The following LRP1B variants were observed in gnomAD, a reference collection of about 807,000 sequenced individuals.
LRP1B encodes LDL receptor related protein 1B, also known as low-density lipoprotein receptor-related protein 1B.
In LRP1B, 217 loss-of-function variants were observed where a neutral mutation model predicts 556.6. The ratio of observed to expected loss-of-function variants is 0.39; its 90% CI spans 0.35 to 0.44. The LOEUF (loss-of-function observed/expected upper bound fraction) is 0.44. Among genes scored for constraint, LRP1B ranks in the 20% least tolerant of loss-of-function variants. The probability of loss-of-function intolerance (pLI) is 1.00; values close to 1 mark genes in which losing one functional copy is unlikely to be tolerated. For missense variants in LRP1B, 5,053 were observed against 5,620.8 expected (o/e 0.90, Z 3.23); for synonymous variants, 2,047 against 1,865.8 (o/e 1.10, Z -2.50).
chr2:140,843,435 A>G (rs2105104035), intron 29 of LRP1B, among the ~76,000 whole-genome samples: 1 of 152,224 alleles, frequency 6.6e-6, no homozygotes, highest in African/African-American at 2.4e-5. Flanking sequence ...AACAGCTTCT[A>G]GCCACCCAGA....
intron 31 of LRP1B, among the ~76,000 whole-genome samples, chr2:140,817,027 T>C (rs924689075): frequency 6.6e-6 from 1 of 152,142 alleles, no homozygotes; most frequent in African/African-American, 2.4e-5. Context: ...CAATTAAAAC[T>C]ACTCAGTGAT....
intron 18 of LRP1B, among the ~76,000 whole-genome samples, chr2:140,954,006 C>T (rs555118299): frequency 6.6e-6 from 1 of 152,270 alleles, no homozygotes; most frequent in Admixed American, 6.5e-5. Context: ...AAGGTTTAAA[C>T]ATTTCTCATA....
chr2:140,950,438 G>A lies in LRP1B; in HGVS notation c.2969-36C>T, dbSNP rs1695679770. 4 of 1,518,832 alleles carry A rather than the reference G, an allele frequency of 2.6e-6. No homozygotes were observed. The Admixed American group carries it at 6.6e-5, about 25-fold the overall frequency. The allele number at this position is 1,518,832 out of a possible 1,614,324, so 94.1% of individuals were successfully genotyped here. On this transcript the variant is annotated intron_variant, in intron 19 of 90. Transcript: ENST00000389484. ...ACATCAACATGAGGCAGTGAAATCT[G>A]AACCATGAAGAAATTTTTTCTTATG... is the stretch of plus-strand genomic sequence containing the variant.
At chr2:141,642,546 A>C (rs1365284756) in intron 2 of LRP1B, among the ~76,000 whole-genome samples, 2 of 152,154 alleles carry the variant, frequency 1.3e-5, no homozygotes, top group Non-Finnish European at 2.9e-5. Flanking sequence ...TACAGAAAGA[A>C]TATATAGACC....
At chr2:141,769,754 T>G (rs1182298657) in intron 2 of LRP1B, among the ~76,000 whole-genome samples, 1 of 152,198 alleles carries the variant, frequency 6.6e-6, no homozygotes, top group Non-Finnish European at 1.5e-5. Flanking sequence ...CCATTGGAAC[T>G]GCATTTTGAA....
At chr2:141,940,451 G>A (rs1316037278) in intron 1 of LRP1B, among the ~76,000 whole-genome samples, 1 of 152,140 alleles carries the variant, frequency 6.6e-6, no homozygotes, top group Non-Finnish European at 1.5e-5. Flanking sequence ...AACTATTCAT[G>A]TAATTCACAA....
chr2:140,514,425 T>G (rs1193007882), intron 51 of LRP1B, among the ~76,000 whole-genome samples: 1 of 152,050 alleles, frequency 6.6e-6, no homozygotes, highest in Middle Eastern at 3.4e-3. Context: ...TACAAATACA[T>G]TTGTTGTGGC....
At chr2:141,942,516 CA>C (rs1700840616) in intron 1 of LRP1B, among the ~76,000 whole-genome samples, 1 of 151,704 alleles carries the variant, frequency 6.6e-6, no homozygotes, top group African/African-American at 2.4e-5. Flanking sequence ...AAAAAAAAAA[CA>C]AAAAACAAAC....
At chr2:141,814,329 A>G (rs1372995735) in intron 1 of LRP1B, among the ~76,000 whole-genome samples, 1 of 152,094 alleles carries the variant, frequency 6.6e-6, no homozygotes, top group African/African-American at 2.4e-5. Context: ...GGTTTGAAGG[A>G]GTTCTACCGA....
chr2:140,918,189 TG>T (rs1694634693), intron 21 of LRP1B, among the ~76,000 whole-genome samples: 3 of 10,498 alleles, frequency 2.9e-4, no homozygotes, highest in Admixed American at 2.0e-3. Context: ...TTCTATTTTG[TG>T]TGTGTGTGTG....
In LRP1B at chr2:141,013,761, A is replaced by C; in HGVS notation, c.2191-16T>G. The C allele has an allele frequency of 1.4e-6, 2 of 1,479,538 alleles. No homozygotes were observed. The highest frequency in any genetic ancestry group is 1.8e-6 in the Non-Finnish European group (2 of 1,109,254). The allele number at this position is 1,479,538 out of a possible 1,614,324, so 91.7% of individuals were successfully genotyped here. On this transcript the variant is annotated splice_polypyrimidine_tract_variant and intron_variant, in intron 13 of 90. Coordinates refer to ENST00000389484, the MANE Select transcript of LRP1B (RefSeq NM_018557.3). ...TGTAAACAATCTGTAAAATATAAAC[A>C]CATTGTGAAAAATCAGAACTGACCT...
chr2:141,495,774 C>T (rs1157857474), intron 2 of LRP1B, among the ~76,000 whole-genome samples: 1 of 151,982 alleles, frequency 6.6e-6, no homozygotes, highest in Non-Finnish European at 1.5e-5. Context: ...AAATAATGCT[C>T]TCCTATAAGC....
intron 1 of LRP1B, among the ~76,000 whole-genome samples, chr2:141,925,054 C>T (rs1249619896): frequency 6.6e-6 from 1 of 152,040 alleles, no homozygotes; most frequent in Non-Finnish European, 1.5e-5. Flanking sequence ...GACAAGAAGG[C>T]TTTTTCAACA....
intron 7 of LRP1B, among the ~76,000 whole-genome samples, chr2:141,099,046 A>T (rs2104933708): frequency 6.6e-6 from 1 of 152,346 alleles, no homozygotes; most frequent in Middle Eastern, 3.4e-3. Context: ...TGCAGGTAAA[A>T]GCATAAGTCT....
At chr2:141,020,234 G>A (rs376821562) in intron 11 of LRP1B, 132 bp from the exon 12 acceptor site, 7 of 525,224 alleles carry the variant, frequency 1.3e-5, no homozygotes, top group Non-Finnish European at 1.2e-5. Flanking sequence ...AATCTTTATG[G>A]TGTAATTTTT....
At chr2:141,571,706 C>G (rs1418209682) in intron 2 of LRP1B, among the ~76,000 whole-genome samples, 1 of 151,836 alleles carries the variant, frequency 6.6e-6, no homozygotes, top group Non-Finnish European at 1.5e-5. Flanking sequence ...GGAATTGCCA[C>G]TAGAACAACC....
intron 3 of LRP1B, among the ~76,000 whole-genome samples, chr2:141,376,780 T>C (rs1192091467): frequency 2.0e-5 from 3 of 152,202 alleles, no homozygotes; most frequent in Non-Finnish European, 4.4e-5. Context: ...ATAGTCATGT[T>C]AGTAATATTA....
chr2:140,530,569 A>G (rs144301260), intron 47 of LRP1B, among the ~76,000 whole-genome samples: 4 of 152,262 alleles, frequency 2.6e-5, no homozygotes, highest in Non-Finnish European at 2.9e-5. Flanking sequence ...GAGAAAAATC[A>G]AAACTAAAAG....
Position 140,534,858 on chromosome 2 carries a change from G to A in LRP1B, c.7643-718C>T, listed in dbSNP as rs149153694. Among the ~76,000 whole-genome samples, 270 of 152,206 alleles carry A rather than the reference G, an allele frequency of 1.8e-3. 3 individuals carry two copies. Among genetic ancestry groups the A allele is most frequent in the Admixed American group, 3.9e-3 (59 of 15,276 alleles). ...GACTACCATAAGAGCTAGTTGTTTC[G>A]TAGTGGAAAACCAAAACACAGAGAA... On this transcript the variant is annotated intron_variant, in intron 46 of 90. Transcript: ENST00000389484.
Sources: gnomAD v4.1 joint callset for allele counts (sites outside exome capture counted in the v4.1 genomes callset) on GRCh38, gnomAD v4.1.1 for gene constraint, MANE v1.5 for transcripts, NCBI Gene and HGNC (gene_info 2026-07-23, HGNC 2026-07-21) for gene names.